Variants in PRORP observed in about 807,000 individuals in gnomAD.
The protein encoded by PRORP is mitochondrial ribonuclease P catalytic subunit.
PRORP carries 51 observed loss-of-function variants against 59.4 expected under a neutral mutation model. That is an observed-to-expected ratio of 0.86 (90% CI 0.69 to 1.08). PRORP has a LOEUF of 1.08. Ranked by LOEUF, PRORP falls within the 50% of genes least tolerant of loss-of-function variation. The pLI, the probability that PRORP is intolerant of heterozygous loss-of-function variation, is 0.00. For missense variants in PRORP, 646 were observed against 690.3 expected, an observed-to-expected ratio of 0.94 and a Z score of 0.72; for synonymous variants, 231 against 245.6, an observed-to-expected ratio of 0.94 and a Z score of 0.55.
intron 5 of PRORP, among the ~76,000 whole-genome samples, chr14:35,185,880 A>C (rs1452892993): frequency 6.6e-6 from 1 of 152,244 alleles, no homozygotes; most frequent in Non-Finnish European, 1.5e-5. Context: ...ATTCCAAAAC[A>C]AGATTATGGT....
At chr14:35,157,564 A>G (rs1274905417) in intron 4 of PRORP, among the ~76,000 whole-genome samples, 1 of 152,030 alleles carries the variant, frequency 6.6e-6, no homozygotes. Context: ...TAATTTTTGT[A>G]TTTTTAGTAG....
At chr14:35,122,090 C>CG (rs1230652552), upstream of PRORP, 1 of 937,702 alleles carries the variant, frequency 1.1e-6, no homozygotes, top group Non-Finnish European at 1.7e-6. Flanking sequence ...TGATCGAGGG[C>CG]GGAAGTCTTG....
chr14:35,232,243 T>C (rs1358042865), intron 5 of PRORP, among the ~76,000 whole-genome samples: 2 of 151,864 alleles, frequency 1.3e-5, no homozygotes, highest in Non-Finnish European at 2.9e-5. Flanking sequence ...TCTCACTTTG[T>C]CACCCAGGCT....
intron 5 of PRORP, chr14:35,262,373 T>C: frequency 3.1e-5 from 10 of 317,738 alleles, no homozygotes; most frequent in Admixed American, 4.4e-5. Context: ...GTTTGCCTTT[T>C]ATTACTAGCC....
rs1372960802 is a variant in PRORP at position 35,273,698 on chromosome 14, T to C, written c.*132T>C. The C allele has an allele frequency of 2.6e-6, 2 of 762,162 alleles. No homozygotes were observed. The highest frequency in any genetic ancestry group is 3.8e-6 in the Non-Finnish European group (2 of 519,894). 47.2% of individuals were successfully genotyped at this position (762,162 alleles called of 1,614,324 possible). A position where few individuals can be genotyped will look rare whatever the true frequency, so the allele number is the denominator to read the frequency against. ...AAGGATTCTATTAACAGCATTGACA[T>C]TGATTTTTTAATGAAATGAGATATA... On this transcript the variant is annotated 3_prime_UTR_variant, in exon 8 of 8. Transcript: ENST00000534898.
At chr14:35,162,238 T>A (rs900654869) in intron 4 of PRORP, among the ~76,000 whole-genome samples, 1 of 152,156 alleles carries the variant, frequency 6.6e-6, no homozygotes, top group African/African-American at 2.4e-5. Context: ...TAAGATAGAT[T>A]CCCACAAATT....
At chr14:35,158,740 T>G in intron 4 of PRORP, 1 of 383,838 alleles carries the variant, frequency 2.6e-6, no homozygotes, top group Non-Finnish European at 5.2e-6. Context: ...CAAATCCTAT[T>G]TGGTATCAAC....
chr14:35,167,587 A>G (rs1248094578), intron 4 of PRORP, among the ~76,000 whole-genome samples: 1 of 152,128 alleles, frequency 6.6e-6, no homozygotes, highest in African/African-American at 2.4e-5. Flanking sequence ...ATTTTCCCCT[A>G]GCTACATTAA....
intron 5 of PRORP, among the ~76,000 whole-genome samples, chr14:35,253,883 G>GTCT (rs1442203083): frequency 2.0e-5 from 3 of 151,670 alleles, no homozygotes; most frequent in African/African-American, 7.3e-5. Flanking sequence ...TTCCTCAAGT[G>GTCT]TCTTCCTCCA....
At chr14:35,171,677 G>A (rs1350111545) in intron 4 of PRORP, among the ~76,000 whole-genome samples, 1 of 151,994 alleles carries the variant, frequency 6.6e-6, no homozygotes, top group East Asian at 1.9e-4. Context: ...TCTGCTTCTT[G>A]GGTAAGTTAT....
At chr14:35,237,135 C>T (rs560163849) in intron 5 of PRORP, among the ~76,000 whole-genome samples, 1 of 151,202 alleles carries the variant, frequency 6.6e-6, no homozygotes, top group East Asian at 1.9e-4. Flanking sequence ...CTCTGTCACC[C>T]AGGCTACAGT....
chr14:35,218,311 A>G (rs1274933270), intron 5 of PRORP, among the ~76,000 whole-genome samples: 1 of 151,656 alleles, frequency 6.6e-6, no homozygotes, highest in Non-Finnish European at 1.5e-5. Flanking sequence ...AAATTAAAAA[A>G]TTGGCTGGGT....
At chr14:35,148,903 A>T (rs971163670) in intron 4 of PRORP, among the ~76,000 whole-genome samples, 3 of 137,746 alleles carry the variant, frequency 2.2e-5, no homozygotes, top group Non-Finnish European at 3.1e-5. Context: ...TACATGTTGC[A>T]CTTTTTAATT....
At chr14:35,235,851 G>A (rs75359261) in intron 5 of PRORP, among the ~76,000 whole-genome samples, 22,374 of 151,758 alleles carry the variant, frequency 0.15, 2,021 homozygotes, top group East Asian at 0.36. Flanking sequence ...GATTGCTTGA[G>A]CTCAGGATTT....
chr14:35,199,302 T>G (rs1288138522), intron 5 of PRORP, among the ~76,000 whole-genome samples: 1 of 140,978 alleles, frequency 7.1e-6, no homozygotes, highest in African/African-American at 2.7e-5. Context: ...ACCACTGCAC[T>G]CCAGCCTGGC....
At chr14:35,127,428 G>T in intron 3 of PRORP, 51 bp from the exon 4 acceptor site, 2 of 1,356,670 alleles carry the variant, frequency 1.5e-6, no homozygotes, top group South Asian at 1.7e-5. Flanking sequence ...TTTTTCCCCA[G>T]AACATTATTC....
At chr14:35,135,726 G>A (rs1229634083) in intron 4 of PRORP, among the ~76,000 whole-genome samples, 1 of 152,128 alleles carries the variant, frequency 6.6e-6, no homozygotes, top group Non-Finnish European at 1.5e-5. Flanking sequence ...TTGGGTGGCC[G>A]AGGCGGGCAG....
intron 5 of PRORP, among the ~76,000 whole-genome samples, chr14:35,245,637 C>A (rs148156831): frequency 5.9e-5 from 9 of 152,188 alleles, no homozygotes; most frequent in East Asian, 1.9e-4. Flanking sequence ...CAGAATGAGA[C>A]CCTCTCTCAA....
Position 35,230,528 on chromosome 14 carries a change from T to C in PRORP, c.1276-36199T>C, listed in dbSNP as rs536410911. On this transcript the variant is annotated intron_variant, in intron 5 of 7. Transcript: ENST00000534898. ...CTCCCTAAACATTGGGGATTTTGAC[T>C]GTGGGATTCATTTAGTAAGTATTCA... Among the ~76,000 whole-genome samples the C allele has an allele frequency of 2.6e-5, 4 of 152,330 alleles. No homozygotes were observed. The South Asian group carries it at 6.2e-4, about 24-fold the overall frequency.
Sources: allele counts gnomAD v4.1 joint callset (sites outside exome capture counted in the v4.1 genomes callset), GRCh38; gene constraint gnomAD v4.1.1; transcripts MANE v1.5; gene names NCBI Gene and HGNC (gene_info 2026-07-23, HGNC 2026-07-21).